Variants in SND1 observed in about 807,000 individuals in gnomAD.
SND1 encodes staphylococcal nuclease and tudor domain containing 1.
Under a neutral mutation model 121.7 loss-of-function variants are expected in SND1, and 38 were observed. The observed-to-expected ratio is 0.31, with a 90% CI of 0.24 to 0.41. The LOEUF is 0.41. SND1 is among the 10% of genes least tolerant of loss of function. SND1 has a pLI of 1.00. For missense variants in SND1, 868 were observed against 1,184.6 expected (o/e 0.73, Z 3.92); for synonymous variants, 401 against 447.4 (o/e 0.90, Z 1.31).
chr7:128,055,836 C>T (rs1484773309), intron 16 of SND1, among the ~76,000 whole-genome samples: 1 of 152,134 alleles, frequency 6.6e-6, no homozygotes, highest in African/African-American at 2.4e-5. Flanking sequence ...ATCCCCCACT[C>T]GCTGGGCCAG....
At chr7:127,967,198 C>T (rs964531928) in intron 15 of SND1, among the ~76,000 whole-genome samples, 1 of 152,040 alleles carries the variant, frequency 6.6e-6, no homozygotes, top group Non-Finnish European at 1.5e-5. Flanking sequence ...GGCAGAAGGT[C>T]GAAACGGAGG....
In SND1 at chr7:127,778,178, C is replaced by CTTATTTATTTATTTATTTATTTAT. The variant is rs143038031; in HGVS notation, c.1153-29295_1153-29272dup. ...CCTTGCCAGTCCCATTTATTTGTGT[C>CTTATTTATTTATTTATTTATTTAT]TTATTTATTTATTTATTTATTTATT... On this transcript the variant is annotated intron_variant, in intron 10 of 23. Transcript: ENST00000354725. 5.4e-3 allele frequency among the ~76,000 whole-genome samples: 793 copies of CTTATTTATTTATTTATTTATTTAT among 146,868 alleles called. 9 individuals are homozygous for CTTATTTATTTATTTATTTATTTAT. The highest frequency in any genetic ancestry group is 0.019 in the Admixed American group (277 of 14,766).
At chr7:127,681,069 C>T (rs1042812311) in intron 1 of SND1, among the ~76,000 whole-genome samples, 3 of 152,122 alleles carry the variant, frequency 2.0e-5, no homozygotes, top group African/African-American at 7.2e-5. Context: ...AACTGTTTAA[C>T]TTTTGAGAAA....
intron 11 of SND1, among the ~76,000 whole-genome samples, chr7:127,841,133 T>C (rs766945582): frequency 1.3e-5 from 2 of 152,220 alleles, no homozygotes; most frequent in Non-Finnish European, 2.9e-5. Flanking sequence ...ATTAGCCCTC[T>C]TGATGAATTA....
chr7:128,056,565 C>A (rs1033896419), intron 16 of SND1, among the ~76,000 whole-genome samples: 5 of 152,192 alleles, frequency 3.3e-5, no homozygotes, highest in African/African-American at 1.2e-4. Flanking sequence ...GTGTCAGGCG[C>A]CATGCTAGGA....
At chr7:127,658,318 A>C (rs1795246933) in intron 1 of SND1, among the ~76,000 whole-genome samples, 1 of 152,206 alleles carries the variant, frequency 6.6e-6, no homozygotes, top group African/African-American at 2.4e-5. Flanking sequence ...GTGTCTCAAA[A>C]GAAAAAAGAA....
intron 1 of SND1, among the ~76,000 whole-genome samples, chr7:127,665,930 G>A (rs1230945527): frequency 6.6e-6 from 1 of 152,236 alleles, no homozygotes; most frequent in Non-Finnish European, 1.5e-5. Flanking sequence ...CTCCCGGTGT[G>A]TAAGGTAGAG....
At chr7:127,760,383 C>T (rs1294402717) in intron 10 of SND1, among the ~76,000 whole-genome samples, 1 of 152,130 alleles carries the variant, frequency 6.6e-6, no homozygotes, top group Non-Finnish European at 1.5e-5. Context: ...ATAATGATGA[C>T]TTTTCAGTTG....
At chr7:128,042,870 A>C (rs148697393) in intron 16 of SND1, among the ~76,000 whole-genome samples, 255 of 152,310 alleles carry the variant, frequency 1.7e-3, no homozygotes, top group Admixed American at 2.7e-3. Context: ...TGCTATCTGA[A>C]TCTGTCTCTT....
intron 12 of SND1, among the ~76,000 whole-genome samples, chr7:127,861,070 A>G (rs1264320389): frequency 6.6e-6 from 1 of 152,238 alleles, no homozygotes; most frequent in Non-Finnish European, 1.5e-5. Context: ...GCTTCTAGGT[A>G]TAACCCCATT....
intron 16 of SND1, among the ~76,000 whole-genome samples, chr7:128,074,260 G>C (rs1478943746): frequency 1.3e-5 from 2 of 152,154 alleles, no homozygotes; most frequent in Non-Finnish European, 2.9e-5. Flanking sequence ...GGAGAATCCC[G>C]TTTGCCCCGG....
At chr7:127,920,149 T>G (rs1800668764) in intron 14 of SND1, among the ~76,000 whole-genome samples, 1 of 152,216 alleles carries the variant, frequency 6.6e-6, no homozygotes, top group Non-Finnish European at 1.5e-5. Flanking sequence ...ATTCAACATA[T>G]TCAAGAGTAG....
chr7:127,774,891 A>G (rs893036816), intron 10 of SND1, among the ~76,000 whole-genome samples: 1 of 151,996 alleles, frequency 6.6e-6, no homozygotes, highest in Non-Finnish European at 1.5e-5. Context: ...TATCTTTTAC[A>G]CTGCATTTTT....
rs77072762 is a variant in SND1, at chr7:128,055,553, G to C, written c.1780-18949G>C. Reference sequence around the variant, plus strand: ...CAGAGAAGTAATGATGAGTTTTGGGGCTGGGCTCATGCTGAGCAACCAACA... The same window carrying C: ...CAGAGAAGTAATGATGAGTTTTGGGCCTGGGCTCATGCTGAGCAACCAACA... On this transcript the variant is annotated intron_variant, in intron 16 of 23. Transcript: ENST00000354725. 7.2e-5 allele frequency among the ~76,000 whole-genome samples: 11 copies of C among 152,240 alleles called. No individual in the cohort carries two copies. The East Asian group carries it at 2.1e-3, about 29-fold the overall frequency.
chr7:128,043,363 CAGG>C (rs888901423), intron 16 of SND1, among the ~76,000 whole-genome samples: 3 of 152,042 alleles, frequency 2.0e-5, no homozygotes, highest in African/African-American at 7.2e-5. Context: ...CACTTGAGGT[CAGG>C]AGTTCGAGAC....
At chr7:128,009,404 G>T (rs945829456) in intron 16 of SND1, among the ~76,000 whole-genome samples, 9 of 152,082 alleles carry the variant, frequency 5.9e-5, no homozygotes, top group Non-Finnish European at 1.3e-4. Flanking sequence ...TCCTCAAAGG[G>T]GTTTCGGAAA....
chr7:127,933,819 TAAATC>T (rs1158552641), intron 15 of SND1, among the ~76,000 whole-genome samples: 12 of 152,234 alleles, frequency 7.9e-5, no homozygotes, highest in Non-Finnish European at 1.5e-5. Context: ...TTACTGGAAA[TAAATC>T]AAGAAAAGGA....
At chr7:128,054,029 A>G (rs990431948) in intron 16 of SND1, among the ~76,000 whole-genome samples, 23 of 152,232 alleles carry the variant, frequency 1.5e-4, no homozygotes, top group African/African-American at 5.5e-4. Context: ...GCTGCTGCCC[A>G]TCTTCCCAGC....
intron 10 of SND1, among the ~76,000 whole-genome samples, chr7:127,788,037 C>G (rs913644398): frequency 6.6e-5 from 10 of 152,108 alleles, no homozygotes; most frequent in African/African-American, 2.4e-4. Flanking sequence ...TTTCTCACAC[C>G]CTTGGTTGAA....
Sources: allele counts gnomAD v4.1 joint callset (sites outside exome capture counted in the v4.1 genomes callset), GRCh38; gene constraint gnomAD v4.1.1; transcripts MANE v1.5; gene names NCBI Gene and HGNC (gene_info 2026-07-23, HGNC 2026-07-21).